The following SYN3 variants were observed in gnomAD, a reference collection of about 807,000 sequenced individuals.
The protein encoded by SYN3 is synapsin III.
SYN3 carries 35 observed loss-of-function variants against 65.8 expected under a neutral mutation model. That is an observed-to-expected ratio of 0.53 (90% CI 0.41 to 0.70). The LOEUF is 0.70. SYN3 is among the 30% of genes least tolerant of loss of function. SYN3 has a pLI of 0.00. For synonymous variants in SYN3, 270 were observed against 292.9 expected (o/e 0.92, Z 0.80); for missense variants, 680 against 749.0 (o/e 0.91, Z 1.08).
intron 7 of SYN3, among the ~76,000 whole-genome samples, chr22:32,569,567 C>CTATATATATATATATATATA (rs1225222696): frequency 1.6e-5 from 1 of 64,452 alleles, no homozygotes. Context: ...CTCTCTCTCT[C>CTATATATATATATATATATA]TCTCTATATA....
intron 6 of SYN3, among the ~76,000 whole-genome samples, chr22:32,710,499 G>A (rs1370689134): frequency 6.6e-6 from 1 of 151,868 alleles, no homozygotes; most frequent in Admixed American, 6.6e-5. Context: ...CAGGCGTGGT[G>A]GCACATGCCT....
At chr22:32,796,172 A>G (rs2046423067) in intron 6 of SYN3, among the ~76,000 whole-genome samples, 1 of 152,254 alleles carries the variant, frequency 6.6e-6, no homozygotes, top group African/African-American at 2.4e-5. Context: ...TACCCTTCAC[A>G]GAAATAATTG....
At chr22:32,748,460 C>T (rs9619304) in intron 6 of SYN3, among the ~76,000 whole-genome samples, 1 of 151,932 alleles carries the variant, frequency 6.6e-6, no homozygotes, top group Admixed American at 6.6e-5. Context: ...GAAAGGGTGT[C>T]GGGGGCAAGG....
At chr22:33,050,922 C>T (rs1461629301) in intron 1 of SYN3, among the ~76,000 whole-genome samples, 1 of 152,206 alleles carries the variant, frequency 6.6e-6, no homozygotes, top group Non-Finnish European at 1.5e-5. Context: ...ATAAAGCACC[C>T]AGTACCTAGA....
chr22:32,766,468 G>A (rs2045631268), intron 6 of SYN3, among the ~76,000 whole-genome samples: 2 of 152,184 alleles, frequency 1.3e-5, no homozygotes, highest in South Asian at 4.1e-4. Context: ...ATAGATGAGG[G>A]ACCTGATGCT....
intron 2 of SYN3, among the ~76,000 whole-genome samples, chr22:33,004,502 T>C (rs549593575): frequency 6.6e-6 from 1 of 152,374 alleles, no homozygotes; most frequent in Non-Finnish European, 1.5e-5. Context: ...CAGAGTTACC[T>C]GGATGTGAGA....
At chr22:32,893,340 G>A (rs542401605) in intron 4 of SYN3, among the ~76,000 whole-genome samples, 1 of 152,196 alleles carries the variant, frequency 6.6e-6, no homozygotes, top group African/African-American at 2.4e-5. Context: ...TTGCTGTCAC[G>A]GAGCTCATGG....
chr22:32,743,387 G>A (rs930448988), intron 6 of SYN3, among the ~76,000 whole-genome samples: 3 of 152,170 alleles, frequency 2.0e-5, no homozygotes, highest in African/African-American at 4.8e-5. Flanking sequence ...CTGGTGCCCC[G>A]AGCCAGCTAG....
At chr22:32,967,198 G>A (rs1195676474) in intron 3 of SYN3, among the ~76,000 whole-genome samples, 1 of 152,190 alleles carries the variant, frequency 6.6e-6, no homozygotes, top group African/African-American at 2.4e-5. Context: ...CTGTACAGCT[G>A]CCATCTGCCT....
At chr22:32,954,832 T>C (rs1477015552) in intron 3 of SYN3, among the ~76,000 whole-genome samples, 1 of 151,698 alleles carries the variant, frequency 6.6e-6, no homozygotes, top group Non-Finnish European at 1.5e-5. Flanking sequence ...ACAGTTATAT[T>C]TCTGTAAATG....
At chr22:32,716,792 G>A (rs548569460) in intron 6 of SYN3, among the ~76,000 whole-genome samples, 2 of 152,132 alleles carry the variant, frequency 1.3e-5, no homozygotes, top group South Asian at 2.1e-4. Flanking sequence ...CAAAGGGCTG[G>A]GATTACAGGT....
At chr22:32,941,029 T>C (rs1378310061) in intron 3 of SYN3, among the ~76,000 whole-genome samples, 1 of 152,198 alleles carries the variant, frequency 6.6e-6, no homozygotes, top group African/African-American at 2.4e-5. Context: ...TGTTCTACTA[T>C]TCCTTGCTTT....
At chr22:32,689,419 AG>A (rs1383090533) in intron 6 of SYN3, among the ~76,000 whole-genome samples, 1 of 152,178 alleles carries the variant, frequency 6.6e-6, no homozygotes, top group Non-Finnish European at 1.5e-5. Context: ...GGGTACCATG[AG>A]AATTGGAGTA....
chr22:32,857,422 A>G lies in SYN3; in HGVS notation c.711+7493T>C, dbSNP rs530369469. 7.7e-5 allele frequency: 95 copies of G among 1,233,228 alleles called. No individual in the cohort carries two copies. The African/African-American group carries it at 1.2e-3, about 15-fold the overall frequency. 76.4% of individuals were successfully genotyped at this position (1,233,228 alleles called of 1,614,324 possible). The stretch of plus-strand genomic sequence containing the variant: ...CCAAGGTCCACTGTTTCTTGACTTC[A>G]GAAGAACACATACGGAGTAGTTGAC... On this transcript the variant is annotated intron_variant, in intron 6 of 13. Coordinates refer to ENST00000358763, the MANE Select transcript of SYN3 (RefSeq NM_003490.4).
intron 6 of SYN3, among the ~76,000 whole-genome samples, chr22:32,606,814 T>TA (rs1173262869): frequency 6.6e-6 from 1 of 151,332 alleles, no homozygotes; most frequent in African/African-American, 2.4e-5. Flanking sequence ...TATTTTTTAT[T>TA]TTTTTAATTT....
At chr22:32,757,172 T>C (rs575729781) in intron 6 of SYN3, among the ~76,000 whole-genome samples, 1 of 152,252 alleles carries the variant, frequency 6.6e-6, no homozygotes, top group Admixed American at 6.5e-5. Flanking sequence ...CTCACACCAT[T>C]ACATTCTGCT....
intron 6 of SYN3, among the ~76,000 whole-genome samples, chr22:32,848,559 C>T (rs995858955): frequency 2.6e-5 from 4 of 152,092 alleles, no homozygotes; most frequent in South Asian, 2.1e-4. Context: ...TTGGAACAGC[C>T]CTTCCATGGT....
chr22:32,664,409 T>A (rs920511265), intron 6 of SYN3, among the ~76,000 whole-genome samples: 2 of 152,128 alleles, frequency 1.3e-5, no homozygotes, highest in Non-Finnish European at 2.9e-5. Flanking sequence ...GGTGTTTTAG[T>A]CCTTGTCTTT....
intron 2 of SYN3, among the ~76,000 whole-genome samples, chr22:32,996,193 C>T (rs1325437539): frequency 2.0e-5 from 3 of 152,152 alleles, no homozygotes; most frequent in Non-Finnish European, 2.9e-5. Context: ...CCCAGCCTCC[C>T]GTCCATCTAT....
Sources: allele counts gnomAD v4.1 joint callset (sites outside exome capture counted in the v4.1 genomes callset), GRCh38; gene constraint gnomAD v4.1.1; transcripts MANE v1.5; gene names NCBI Gene and HGNC (gene_info 2026-07-23, HGNC 2026-07-21).